Variants in XIRP2 observed in about 807,000 individuals in gnomAD.
XIRP2 encodes xin actin binding repeat containing 2.
XIRP2 carries 236 observed loss-of-function variants against 277.0 expected under a neutral mutation model. The ratio of observed to expected loss-of-function variants is 0.85; its 90% CI spans 0.77 to 0.95. XIRP2 has a LOEUF of 0.95. XIRP2 is among the 40% of genes least tolerant of loss of function. XIRP2 has a pLI of 0.00. For missense variants in XIRP2, 4,640 were observed against 4,157.5 expected, an observed-to-expected ratio of 1.12 and a Z score of -3.19; for synonymous variants, 1,490 against 1,416.5, an observed-to-expected ratio of 1.05 and a Z score of -1.17.
chr2:166,984,255 C>A (rs941947176), intron 2 of XIRP2, among the ~76,000 whole-genome samples: 1 of 152,188 alleles, frequency 6.6e-6, no homozygotes, highest in African/African-American at 2.4e-5. Flanking sequence ...ATTTTACTCT[C>A]ATATTTCAGT....
At chr2:167,163,791 A>C (rs1019483296) in intron 3 of XIRP2, among the ~76,000 whole-genome samples, 13 of 152,306 alleles carry the variant, frequency 8.5e-5, no homozygotes, top group African/African-American at 3.1e-4. Flanking sequence ...TAGGTTTTAC[A>C]TGTAAATCTA....
intron 3 of XIRP2, among the ~76,000 whole-genome samples, chr2:167,153,648 A>AAC: frequency 6.6e-6 from 1 of 151,428 alleles, no homozygotes; most frequent in African/African-American, 2.4e-5. Context: ...TATGAGTGAG[A>AAC]ATGTACGGTG....
chr2:167,109,847 C>A (rs968257728), intron 2 of XIRP2, among the ~76,000 whole-genome samples: 1 of 151,942 alleles, frequency 6.6e-6, no homozygotes, highest in African/African-American at 2.4e-5. Context: ...TTATTTTTTT[C>A]TTTTTAGTAA....
intron 2 of XIRP2, among the ~76,000 whole-genome samples, chr2:166,936,201 A>G (rs1441420617): frequency 2.0e-5 from 3 of 152,310 alleles, no homozygotes; most frequent in African/African-American, 7.2e-5. Context: ...TTGGCTGCAT[A>G]AATGTCTTCT....
At chr2:166,949,176 A>C (rs1685964308) in intron 2 of XIRP2, among the ~76,000 whole-genome samples, 1 of 152,060 alleles carries the variant, frequency 6.6e-6, no homozygotes. Flanking sequence ...AAGAATTATC[A>C]TTTTGCTATA....
At chr2:166,897,942 T>C (rs1684285330) in intron 1 of XIRP2, among the ~76,000 whole-genome samples, 1 of 152,082 alleles carries the variant, frequency 6.6e-6, no homozygotes, top group Non-Finnish European at 1.5e-5. Context: ...CACATGCAGG[T>C]GGCATGCAGG....
At chr2:167,139,161 G>A (rs1043395178) in intron 3 of XIRP2, among the ~76,000 whole-genome samples, 1 of 151,528 alleles carries the variant, frequency 6.6e-6, no homozygotes, top group East Asian at 1.9e-4. Flanking sequence ...TTTAAGACCA[G>A]TAAGCTAGAA....
At chr2:167,009,270 G>T (rs983496722) in intron 2 of XIRP2, among the ~76,000 whole-genome samples, 1 of 133,596 alleles carries the variant, frequency 7.5e-6, no homozygotes, top group Non-Finnish European at 1.5e-5. Context: ...GTGTCCATGT[G>T]TTCTCATTGT....
At chr2:166,903,080 T>C (rs1324974500) in intron 1 of XIRP2, among the ~76,000 whole-genome samples, 1 of 152,146 alleles carries the variant, frequency 6.6e-6, no homozygotes, top group Non-Finnish European at 1.5e-5. Flanking sequence ...GCTTTCTTGT[T>C]AGACTTTTTA....
In XIRP2 at chr2:167,109,117, C is replaced by T. The variant is rs570316453; in HGVS notation, c.409-26792C>T. On this transcript the variant is annotated intron_variant, in intron 2 of 10. Coordinates refer to ENST00000409195, the MANE Select transcript of XIRP2 (RefSeq NM_152381.6). ...TTACTCACTTATAAGTGAGAACATG[C>T]AGTATTTGGTTTTCTGATCCTGTGT... is the stretch of plus-strand genomic sequence containing the variant. Among the ~76,000 whole-genome samples, 33 of 152,104 alleles carry T rather than the reference C, an allele frequency of 2.2e-4. No homozygotes were observed. In the East Asian group the frequency reaches 5.6e-3, roughly 26 times the overall value.
Position 167,248,127 on chromosome 2 carries a change from T to G in XIRP2, c.6735T>G (p.Asp2245Glu), listed in dbSNP as rs760363713. 6.2e-7 allele frequency: 1 copy of G among 1,613,452 alleles called. No individual in the cohort carries two copies. Among genetic ancestry groups the G allele is most frequent in the Non-Finnish European group, 8.5e-7 (1 of 1,179,774 alleles). Residue 2245 changes from aspartate (D) to glutamate (E), a missense_variant, in exon 9 of 11, where the codon GAT (aspartate) becomes GAG (glutamate). By Grantham distance (45) the Asp-to-Glu change is conservative (BLOSUM62 2). Transcript: ENST00000409195. ...FKATNKKRET[D>E]VHLKSQDFLM... ...CAACCAACAAAAAGCGGGAGACTGATGTTCACTTGAAAAGCCAGGACTTTC... is the reference window on the plus strand; with the variant it reads ...CAACCAACAAAAAGCGGGAGACTGAGGTTCACTTGAAAAGCCAGGACTTTC...
intron 2 of XIRP2, among the ~76,000 whole-genome samples, chr2:167,090,791 A>G (rs139165749): frequency 6.6e-6 from 1 of 152,152 alleles, no homozygotes; most frequent in Non-Finnish European, 1.5e-5. Flanking sequence ...GCAAGAACCA[A>G]TGTGATCTCT....
At chr2:167,012,417 T>G (rs1687705927) in intron 2 of XIRP2, among the ~76,000 whole-genome samples, 1 of 151,736 alleles carries the variant, frequency 6.6e-6, no homozygotes, top group South Asian at 2.1e-4. Flanking sequence ...TCCTAAATTT[T>G]GTAAAGGAAA....
intron 2 of XIRP2, among the ~76,000 whole-genome samples, chr2:166,922,953 T>C (rs1460447220): frequency 4.0e-5 from 6 of 151,860 alleles, no homozygotes; most frequent in African/African-American, 1.5e-4. Flanking sequence ...TTTATTATTC[T>C]TCATCACTGG....
chr2:167,004,793 G>A (rs1055839684), intron 2 of XIRP2, among the ~76,000 whole-genome samples: 2 of 151,756 alleles, frequency 1.3e-5, no homozygotes, highest in Non-Finnish European at 2.9e-5. Context: ...AAGACCAAAA[G>A]AGCAACAAAA....
chr2:167,219,789 A>T (rs2105402378), intron 5 of XIRP2, among the ~76,000 whole-genome samples: 1 of 152,322 alleles, frequency 6.6e-6, no homozygotes, highest in East Asian at 1.9e-4. Flanking sequence ...TAGGATGGAA[A>T]AACTGTTGAG....
At chr2:167,096,544 C>T (rs139167738) in intron 2 of XIRP2, among the ~76,000 whole-genome samples, 3,221 of 150,418 alleles carry the variant, frequency 0.021, 33 homozygotes, top group Non-Finnish European at 0.033. Flanking sequence ...ATGTCTCTAT[C>T]TCCTTCACTT....
chr2:166,908,233 A>C (rs1684584067), intron 2 of XIRP2, among the ~76,000 whole-genome samples: 1 of 152,192 alleles, frequency 6.6e-6, no homozygotes, highest in South Asian at 2.1e-4. Context: ...TCCCACCAAC[A>C]GTGTAAAAGT....
chr2:167,239,791 A>G, intron 5 of XIRP2, 64 bp from the exon 6 acceptor site: 2 of 1,426,988 alleles, frequency 1.4e-6, no homozygotes, highest in Non-Finnish European at 1.9e-6. Flanking sequence ...GAAATTGCAC[A>G]AATAAAAAAA....
Sources: allele counts gnomAD v4.1 joint callset (sites outside exome capture counted in the v4.1 genomes callset), GRCh38; gene constraint gnomAD v4.1.1; transcripts MANE v1.5; gene names NCBI Gene and HGNC (gene_info 2026-07-23, HGNC 2026-07-21).